The following BBS9 variants were observed in gnomAD, a reference collection of about 807,000 sequenced individuals.
BBS9 encodes protein PTHB1.
Under a neutral mutation model 117.7 loss-of-function variants are expected in BBS9, and 89 were observed. The ratio of observed to expected loss-of-function variants is 0.76; its 90% CI spans 0.64 to 0.90. The LOEUF (loss-of-function observed/expected upper bound fraction) is 0.90. Ranked by LOEUF, BBS9 falls within the 40% of genes least tolerant of loss-of-function variation. The pLI is 0.00. For missense variants in BBS9, 982 were observed against 1,042.2 expected, an observed-to-expected ratio of 0.94 and a Z score of 0.80; for synonymous variants, 379 against 370.9, an observed-to-expected ratio of 1.02 and a Z score of -0.25.
intron 9 of BBS9, among the ~76,000 whole-genome samples, chr7:33,318,883 A>T (rs1811094687): frequency 6.6e-6 from 1 of 152,012 alleles, no homozygotes; most frequent in Non-Finnish European, 1.5e-5. Context: ...TAGTCTCGAG[A>T]GCTGGGCACA....
At chr7:33,377,861 CA>C (rs1824183312) in intron 17 of BBS9, among the ~76,000 whole-genome samples, 1 of 151,796 alleles carries the variant, frequency 6.6e-6, no homozygotes, top group Non-Finnish European at 1.5e-5. Flanking sequence ...GGTGTAGACT[CA>C]AATTGATAGT....
At chr7:33,292,524 A>G (rs377686836) in intron 9 of BBS9, among the ~76,000 whole-genome samples, 3 of 152,068 alleles carry the variant, frequency 2.0e-5, no homozygotes, top group East Asian at 3.9e-4. Flanking sequence ...ACCGCACACC[A>G]TCTATTTGTG....
At chr7:33,214,284 T>C (rs1788616657) in intron 5 of BBS9, among the ~76,000 whole-genome samples, 1 of 152,156 alleles carries the variant, frequency 6.6e-6, no homozygotes, top group South Asian at 2.1e-4. Flanking sequence ...GAGTTCAATG[T>C]AAAGTCCTCA....
chr7:33,342,233 C>T (rs1298773793), intron 11 of BBS9, among the ~76,000 whole-genome samples: 1 of 151,992 alleles, frequency 6.6e-6, no homozygotes, highest in Non-Finnish European at 1.5e-5. Context: ...ATGAAAGAAA[C>T]ATTCACCCAG....
chr7:33,248,357 A>G (rs891411985), intron 5 of BBS9, among the ~76,000 whole-genome samples: 2 of 152,198 alleles, frequency 1.3e-5, no homozygotes, highest in South Asian at 2.1e-4. Flanking sequence ...TTAGGCACTA[A>G]TTATCTTTAG....
intron 4 of BBS9, among the ~76,000 whole-genome samples, chr7:33,168,977 C>T (rs939084535): frequency 6.6e-6 from 1 of 151,602 alleles, no homozygotes; most frequent in African/African-American, 2.4e-5. Flanking sequence ...CACCCCACCA[C>T]AGTCCCCAGA....
chr7:33,170,825 C>T (rs1050034619), intron 4 of BBS9, among the ~76,000 whole-genome samples: 2 of 151,566 alleles, frequency 1.3e-5, no homozygotes, highest in Non-Finnish European at 2.9e-5. Context: ...AAACAGAGAG[C>T]CAAATCATGA....
At chr7:33,581,541 T>C (rs922843122) in intron 21 of BBS9, among the ~76,000 whole-genome samples, 2 of 152,168 alleles carry the variant, frequency 1.3e-5, no homozygotes, top group African/African-American at 4.8e-5. Context: ...TGGCTAGATC[T>C]ACTTACCTGA....
At position 33,168,878 on chromosome 7, in the gene BBS9, T is replaced by TATAC. The variant is rs2128140754; in HGVS notation, c.329-8597_329-8594dup. 2.0e-5 allele frequency among the ~76,000 whole-genome samples: 3 copies of TATAC among 152,248 alleles called. No individual in the cohort carries two copies. In the South Asian group the frequency reaches 6.2e-4, roughly 32 times the overall value. ...ACATTGTGCAGGTTAGTTACATATG[T>TATAC]ATACATGTGCCATGCTGGTGTGCTG... On this transcript the variant is annotated intron_variant, in intron 4 of 22. Coordinates refer to ENST00000242067, the MANE Select transcript of BBS9 (RefSeq NM_198428.3).
intron 19 of BBS9, among the ~76,000 whole-genome samples, chr7:33,468,479 G>A (rs1165803320): frequency 6.6e-6 from 1 of 152,134 alleles, no homozygotes; most frequent in Non-Finnish European, 1.5e-5. Flanking sequence ...TCAAACCAGG[G>A]TAATTGGGGT....
chr7:33,314,416 T>C (rs1810018404), intron 9 of BBS9: 6 of 267,908 alleles, frequency 2.2e-5, no homozygotes, highest in South Asian at 2.2e-4. Context: ...TGCATAGTCT[T>C]TTGGTATTGC....
intron 19 of BBS9, among the ~76,000 whole-genome samples, chr7:33,476,065 T>C (rs1841760012): frequency 6.6e-6 from 1 of 152,186 alleles, no homozygotes; most frequent in African/African-American, 2.4e-5. Flanking sequence ...TTTGGGTCTT[T>C]TAGAATGTTT....
At chr7:33,379,752 A>G (rs1482471453) in intron 17 of BBS9, among the ~76,000 whole-genome samples, 1 of 152,214 alleles carries the variant, frequency 6.6e-6, no homozygotes, top group Admixed American at 6.5e-5. Context: ...AACAATAATG[A>G]CAATAAGTAA....
At chr7:33,464,229 T>C (rs1261290503) in intron 19 of BBS9, among the ~76,000 whole-genome samples, 1 of 152,076 alleles carries the variant, frequency 6.6e-6, no homozygotes, top group Admixed American at 6.6e-5. Context: ...TAGGTCAAGA[T>C]AAAACAAACA....
chr7:33,156,494 T>C (rs1794110711), intron 4 of BBS9, among the ~76,000 whole-genome samples: 3 of 152,224 alleles, frequency 2.0e-5, no homozygotes, highest in Admixed American at 1.3e-4. Flanking sequence ...CTCAGACTTA[T>C]TCTCTTCATT....
At chr7:33,596,299 C>CACACACACACACACACAT (rs1491153351) in intron 21 of BBS9, among the ~76,000 whole-genome samples, 11 of 143,512 alleles carry the variant, frequency 7.7e-5, no homozygotes, top group African/African-American at 2.9e-4. Flanking sequence ...CACACACACA[C>CACACACACACACACACAT]TTATATATGT....
At chr7:33,341,475 G>A (rs1368663666) in intron 11 of BBS9, among the ~76,000 whole-genome samples, 2 of 151,764 alleles carry the variant, frequency 1.3e-5, no homozygotes, top group Non-Finnish European at 2.9e-5. Flanking sequence ...TTTTTCCCCT[G>A]TTTCTATCTG....
At position 33,198,728 on chromosome 7, in the gene BBS9, T is replaced by A. The variant is rs1785333192; in HGVS notation, c.442+21137T>A. Among the ~76,000 whole-genome samples, 8 of 151,994 alleles carry A rather than the reference T, an allele frequency of 5.3e-5. No individual in the cohort carries two copies. The South Asian group carries it at 1.7e-3, about 31-fold the overall frequency. ...CATATGTGTAAACCATGCAACCTTG[T>A]AACAGGAAACTTTATAATAAGGGAG... On this transcript the variant is annotated intron_variant, in intron 5 of 22. Transcript: ENST00000242067.
intron 19 of BBS9, among the ~76,000 whole-genome samples, chr7:33,463,243 T>A (rs956852354): frequency 1.3e-5 from 2 of 152,050 alleles, no homozygotes; most frequent in Non-Finnish European, 2.9e-5. Flanking sequence ...TAGCGTCACG[T>A]AGACCAAAAC....
Sources: gnomAD v4.1 joint callset for allele counts (sites outside exome capture counted in the v4.1 genomes callset) on GRCh38, gnomAD v4.1.1 for gene constraint, MANE v1.5 for transcripts, NCBI Gene and HGNC (gene_info 2026-07-23, HGNC 2026-07-21) for gene names.